Variants in ZNF385D observed in about 807,000 individuals in gnomAD.
ZNF385D encodes zinc finger protein 659.
In ZNF385D, 15 loss-of-function variants were observed where a neutral mutation model predicts 35.8. The observed-to-expected ratio is 0.42, with a 90% CI of 0.28 to 0.64. The LOEUF (loss-of-function observed/expected upper bound fraction) is 0.64, where lower values mean the gene tolerates loss of function less well. Among genes scored for constraint, ZNF385D ranks in the 30% least tolerant of loss-of-function variants. ZNF385D has a pLI of 0.23. For missense variants in ZNF385D, 474 were observed against 494.6 expected (o/e 0.96, Z 0.39); for synonymous variants, 212 against 186.8 (o/e 1.13, Z -1.10).
At chr3:21,939,575 A>C (rs1233117098) in intron 3 of ZNF385D, among the ~76,000 whole-genome samples, 1 of 152,352 alleles carries the variant, frequency 6.6e-6, no homozygotes, top group South Asian at 2.1e-4. Flanking sequence ...GCTCCTAAAT[A>C]TAGTATAGAA....
At chr3:21,648,069 G>T (rs964245902) in intron 2 of ZNF385D, among the ~76,000 whole-genome samples, 1 of 152,114 alleles carries the variant, frequency 6.6e-6, no homozygotes, top group Non-Finnish European at 1.5e-5. Context: ...TTCCAGAAAG[G>T]CTTGGGCTAA....
intron 3 of ZNF385D, among the ~76,000 whole-genome samples, chr3:21,851,227 G>C (rs950281377): frequency 1.5e-4 from 23 of 152,110 alleles, no homozygotes; most frequent in African/African-American, 5.1e-4. Flanking sequence ...CTTGATAGCT[G>C]ATCAGGCATT....
Position 21,928,700 on chromosome 3 carries a change from G to A in ZNF385D, c.325+240117C>T, listed in dbSNP as rs1226345956. Among the ~76,000 whole-genome samples the A allele has an allele frequency of 3.3e-5, 5 of 152,102 alleles. No individual in the cohort carries two copies. In the East Asian group the frequency reaches 5.8e-4, roughly 18 times the overall value. ...CACAGAAATTTTAAAATAAAGAAACGTTATAACAGTATTATGCCAACACCT... is the reference window on the plus strand; with the variant it reads ...CACAGAAATTTTAAAATAAAGAAACATTATAACAGTATTATGCCAACACCT... On this transcript the variant is annotated intron_variant, in intron 3 of 5. Coordinates refer to the ZNF385D transcript ENST00000494108.
At chr3:21,671,113 T>G (rs1317745354) in intron 1 of ZNF385D, among the ~76,000 whole-genome samples, 1 of 152,090 alleles carries the variant, frequency 6.6e-6, no homozygotes, top group Non-Finnish European at 1.5e-5. Context: ...CTTTCATAAA[T>G]ATTCATGGCT....
intron 2 of ZNF385D, among the ~76,000 whole-genome samples, chr3:22,318,937 C>T (rs1704047711): frequency 6.6e-6 from 1 of 152,116 alleles, no homozygotes; most frequent in South Asian, 2.1e-4. Context: ...CCCTAGAATG[C>T]ATTTTTTGAG....
intron 2 of ZNF385D, among the ~76,000 whole-genome samples, chr3:22,232,076 T>G (rs183637101): frequency 1.3e-5 from 2 of 152,256 alleles, no homozygotes; most frequent in East Asian, 3.9e-4. Flanking sequence ...ACTCTTTTCT[T>G]TATAAATTAC....
chr3:21,888,041 A>C (rs1057049313), intron 3 of ZNF385D, among the ~76,000 whole-genome samples: 9 of 152,138 alleles, frequency 5.9e-5, no homozygotes, highest in African/African-American at 1.9e-4. Context: ...GAATCTGTTT[A>C]CTTTCTTTTC....
intron 1 of ZNF385D, among the ~76,000 whole-genome samples, chr3:21,718,688 T>C (rs747326220): frequency 6.6e-6 from 1 of 152,094 alleles, no homozygotes; most frequent in Non-Finnish European, 1.5e-5. Context: ...GAGGCCAAAA[T>C]CACAACCACA....
chr3:22,064,279 T>A (rs1213677838), intron 3 of ZNF385D, among the ~76,000 whole-genome samples: 1 of 150,208 alleles, frequency 6.7e-6, no homozygotes, highest in African/African-American at 2.5e-5. Flanking sequence ...CAAATGGTGT[T>A]GTTTAAGGAG....
At chr3:21,720,553 CA>C (rs890815488) in intron 1 of ZNF385D, among the ~76,000 whole-genome samples, 2 of 151,762 alleles carry the variant, frequency 1.3e-5, no homozygotes, top group African/African-American at 4.8e-5. Flanking sequence ...GACCCTGTCT[CA>C]AAAAAAATGC....
intron 3 of ZNF385D, among the ~76,000 whole-genome samples, chr3:21,985,500 C>T (rs1694755031): frequency 8.7e-6 from 1 of 114,980 alleles, no homozygotes; most frequent in Non-Finnish European, 1.8e-5. Context: ...ACCAGCCTTG[C>T]ATCCCAGGGA....
chr3:21,801,008 T>C (rs768720189), intron 3 of ZNF385D, among the ~76,000 whole-genome samples: 1 of 152,156 alleles, frequency 6.6e-6, no homozygotes, highest in Non-Finnish European at 1.5e-5. Flanking sequence ...TTTACCATAT[T>C]GAAAAAGTCT....
At chr3:22,328,873 A>G (rs1423184494) in intron 2 of ZNF385D, among the ~76,000 whole-genome samples, 1 of 152,000 alleles carries the variant, frequency 6.6e-6, no homozygotes, top group Non-Finnish European at 1.5e-5. Context: ...CAGGAGATCG[A>G]GACCATCCTG....
intron 3 of ZNF385D, among the ~76,000 whole-genome samples, chr3:22,046,992 T>A (rs1283317679): frequency 6.6e-6 from 1 of 152,122 alleles, no homozygotes; most frequent in Admixed American, 6.6e-5. Context: ...AAACAACACA[T>A]ATTTTTGATT....
At chr3:21,564,515 A>C in intron 3 of ZNF385D, 59 bp downstream of exon 3, 1 of 1,086,802 alleles carries the variant, frequency 9.2e-7, no homozygotes, top group Non-Finnish European at 1.3e-6. Context: ...TTCTCCTGCA[A>C]GATTAGAACA....
At chr3:21,534,483 A>G (rs113500700) in intron 3 of ZNF385D, among the ~76,000 whole-genome samples, 2 of 152,080 alleles carry the variant, frequency 1.3e-5, no homozygotes, top group Non-Finnish European at 2.9e-5. Flanking sequence ...CTGAACTTTC[A>G]TCAGTGGCAA....
At chr3:22,180,914 C>CTTTTTTTT (rs61668943) in intron 2 of ZNF385D, among the ~76,000 whole-genome samples, 2,588 of 112,850 alleles carry the variant, frequency 0.023, 306 homozygotes, top group African/African-American at 0.093. Flanking sequence ...TGCTTTTGTT[C>CTTTTTTTT]TTTTTTTTTT....
intron 1 of ZNF385D, 49 bp downstream of exon 1, chr3:21,750,846 A>T: frequency 6.2e-7 from 1 of 1,611,310 alleles, no homozygotes; most frequent in South Asian, 1.1e-5. Context: ...GTCTGCACGG[A>T]TGAAGAGCCG....
rs1396940063 is a variant in ZNF385D at position 22,048,905 on chromosome 3, C to T, written c.325+119912G>A. On this transcript the variant is annotated intron_variant, in intron 3 of 5. Coordinates refer to the ZNF385D transcript ENST00000494108. ...GGAATATCTTTTCATTTGTCTGTAT[C>T]TTGTTGTATTTCTTTCATTCATGTT... 3.9e-5 allele frequency among the ~76,000 whole-genome samples: 6 copies of T among 152,078 alleles called. No individual in the cohort carries two copies. In the East Asian group the frequency reaches 1.2e-3, roughly 29 times the overall value.
Sources: allele counts gnomAD v4.1 joint callset (sites outside exome capture counted in the v4.1 genomes callset), GRCh38; gene constraint gnomAD v4.1.1; transcripts MANE v1.5; gene names NCBI Gene and HGNC (gene_info 2026-07-23, HGNC 2026-07-21).